NRP1: variants seen among roughly 807,000 people sequenced by gnomAD.
NRP1 encodes the protein neuropilin-1.
In NRP1, 35 loss-of-function variants were observed where a neutral mutation model predicts 106.7. The ratio of observed to expected loss-of-function variants is 0.33; its 90% confidence interval spans 0.25 to 0.43. NRP1 has a LOEUF of 0.43. Among genes scored for constraint, NRP1 ranks in the 20% least tolerant of loss-of-function variants. NRP1 has a pLI of 1.00. For missense variants in NRP1, 1,024 were observed against 1,170.4 expected, an observed-to-expected ratio of 0.87 and a Z score of 1.83; for synonymous variants, 437 against 417.9, an observed-to-expected ratio of 1.05 and a Z score of -0.56.
chr10:33,288,647 A>T (rs965322180), intron 2 of NRP1: 1 of 152,232 alleles, frequency 6.6e-6, no homozygotes, highest in Non-Finnish European at 1.5e-5. Context: ...GATGTCGCTT[A>T]TCTAAAGATA....
intron 2 of NRP1, among the ~76,000 whole-genome samples, chr10:33,295,744 T>C (rs1845339768): frequency 6.6e-6 from 1 of 152,144 alleles, no homozygotes; most frequent in Non-Finnish European, 1.5e-5. Context: ...TATTATATTT[T>C]GGGGGTACAC....
chr10:33,190,103 A>G (rs1339175080), intron 13 of NRP1, among the ~76,000 whole-genome samples: 2 of 152,216 alleles, frequency 1.3e-5, no homozygotes, highest in Non-Finnish European at 2.9e-5. Context: ...ATACTCTAAC[A>G]CATAAAGCAC....
chr10:33,217,196 T>C (rs897037003), intron 8 of NRP1, among the ~76,000 whole-genome samples: 2 of 152,158 alleles, frequency 1.3e-5, no homozygotes, highest in South Asian at 2.1e-4. Flanking sequence ...GAGGCAAACA[T>C]AATTAACTTG....
chr10:33,330,396 A>G (rs79536772), intron 2 of NRP1, among the ~76,000 whole-genome samples: 1 of 130,820 alleles, frequency 7.6e-6, no homozygotes, highest in Non-Finnish European at 1.6e-5. Context: ...CCTCTCCAGG[A>G]AAAAAAAAAA....
intron 2 of NRP1, among the ~76,000 whole-genome samples, chr10:33,290,922 G>C (rs981305944): frequency 6.6e-6 from 1 of 152,144 alleles, no homozygotes; most frequent in East Asian, 1.9e-4. Flanking sequence ...ACATGGTCTC[G>C]TGGCCTGACA....
At chr10:33,291,492 A>G (rs902881402) in intron 2 of NRP1, among the ~76,000 whole-genome samples, 1 of 152,244 alleles carries the variant, frequency 6.6e-6, no homozygotes, top group South Asian at 2.1e-4. Flanking sequence ...AAGCCACTGT[A>G]ATTTGGAGAC....
chr10:33,311,449 G>C (rs1004931193), intron 2 of NRP1, among the ~76,000 whole-genome samples: 2 of 152,326 alleles, frequency 1.3e-5, no homozygotes, highest in East Asian at 3.9e-4. Context: ...TGAGTAGCAG[G>C]TCTCTTCTAC....
chr10:33,334,315 C>G lies in NRP1; in HGVS notation c.68G>C (p.Arg23Pro). The change falls in exon 1 of 17, where the codon CGC becomes CCC. Residue 23 changes from arginine (R) to proline (P), a missense_variant. By Grantham distance (103) the Arg-to-Pro change is moderately radical. Transcript: ENST00000374867. ...ALVLAPAGAFRNDKCGDTIKI... is the reference protein window; with the variant it reads ...ALVLAPAGAFPNDKCGDTIKI... ...CGCCTCTGCCTGTCACTTACCGTTG[C>G]GAAAAGCGCCGGCCGGGGCGAGGAC... 6.5e-7 allele frequency: 1 copy of G among 1,542,448 alleles called. No homozygotes were observed. Among genetic ancestry groups the G allele is most frequent in the Non-Finnish European group, 8.7e-7 (1 of 1,146,308 alleles).
intron 6 of NRP1, among the ~76,000 whole-genome samples, chr10:33,237,268 A>G (rs2133045845): frequency 6.6e-6 from 1 of 152,258 alleles, no homozygotes; most frequent in African/African-American, 2.4e-5. Context: ...ATGTTATGAG[A>G]CTGAAAGTAA....
intron 13 of NRP1, among the ~76,000 whole-genome samples, chr10:33,190,646 G>C (rs965112892): frequency 5.9e-5 from 9 of 152,154 alleles, no homozygotes; most frequent in Non-Finnish European, 1.3e-4. Context: ...AATTTAATGA[G>C]ATTTCCTAGC....
intron 2 of NRP1, among the ~76,000 whole-genome samples, chr10:33,316,708 A>G (rs898224774): frequency 3.3e-5 from 5 of 152,214 alleles, no homozygotes; most frequent in Non-Finnish European, 2.9e-5. Flanking sequence ...GCAGGAGAGA[A>G]GAAGGCCCCA....
intron 2 of NRP1, among the ~76,000 whole-genome samples, chr10:33,274,053 T>G (rs1362859823): frequency 6.6e-6 from 1 of 152,172 alleles, no homozygotes; most frequent in East Asian, 1.9e-4. Context: ...TTTCTTAAAT[T>G]TTCTACCTTA....
intron 3 of NRP1, among the ~76,000 whole-genome samples, chr10:33,269,990 A>G (rs1843188013): frequency 6.6e-6 from 1 of 152,204 alleles, no homozygotes; most frequent in African/African-American, 2.4e-5. Flanking sequence ...TAAAGTGCAC[A>G]ATAAATGTAA....
intron 2 of NRP1, among the ~76,000 whole-genome samples, chr10:33,305,980 G>A (rs185359093): frequency 9.9e-5 from 15 of 152,114 alleles, no homozygotes; most frequent in Admixed American, 9.8e-4. Flanking sequence ...TGTTGGCCAG[G>A]CTGGTCTCGA....
At chr10:33,289,005 A>G (rs977114090) in intron 2 of NRP1, among the ~76,000 whole-genome samples, 4 of 152,188 alleles carry the variant, frequency 2.6e-5, no homozygotes, top group African/African-American at 9.7e-5. Context: ...CCCTGGGATT[A>G]AGTTCATGCT....
intron 8 of NRP1, among the ~76,000 whole-genome samples, chr10:33,217,671 G>T (rs972473798): frequency 6.6e-6 from 1 of 152,256 alleles, no homozygotes; most frequent in African/African-American, 2.4e-5. Context: ...GTACACATAT[G>T]TCTCAAATAT....
chr10:33,295,120 T>C (rs1845293645), intron 2 of NRP1, among the ~76,000 whole-genome samples: 1 of 152,236 alleles, frequency 6.6e-6, no homozygotes, highest in Admixed American at 6.5e-5. Context: ...AGTACTGCCA[T>C]GTCTTTTTGT....
intron 2 of NRP1, among the ~76,000 whole-genome samples, chr10:33,300,609 C>T (rs925056667): frequency 1.3e-5 from 2 of 152,210 alleles, no homozygotes; most frequent in African/African-American, 4.8e-5. Context: ...AAAGGTGAAG[C>T]TGGGAACTGC....
At position 33,177,922 on chromosome 10, in the gene NRP1, T is replaced by G. The variant is rs1024185573; in HGVS notation, c.*2154A>C. 2 of 152,752 alleles carry G rather than the reference T, an allele frequency of 1.3e-5. No homozygotes were observed. The highest frequency in any genetic ancestry group is 3.9e-4 in the East Asian group (2 of 5,190). The allele number at this position is 152,752 out of a possible 1,614,324, so 9.5% of individuals were successfully genotyped here. ...AATAACTTTATAAACATATAATTTT[T>G]AAATATATTTATCAGTGCAAGATAC... On this transcript the variant is annotated 3_prime_UTR_variant, in exon 17 of 17. Transcript: ENST00000374867.
Sources: allele counts gnomAD v4.1 joint callset (sites outside exome capture counted in the v4.1 genomes callset), GRCh38; gene constraint gnomAD v4.1.1; transcripts MANE v1.5; gene names NCBI Gene and HGNC (gene_info 2026-07-23, HGNC 2026-07-21).